HEXIM2: variants seen among roughly 807,000 people sequenced by gnomAD.
HEXIM2 encodes the protein protein HEXIM2.
For synonymous variants in HEXIM2, 159 were observed against 162.7 expected, an observed-to-expected ratio of 0.98 and a Z score of 0.17; for missense variants, 413 against 390.8, an observed-to-expected ratio of 1.06 and a Z score of -0.48.
Position 45,169,429 on chromosome 17 carries a change from C to T in HEXIM2, c.481C>T (p.Pro161Ser). 2 of 1,613,950 alleles carry T rather than the reference C, an allele frequency of 1.2e-6. No individual in the cohort carries two copies. The highest frequency in any genetic ancestry group is 1.7e-6 in the Non-Finnish European group (2 of 1,180,012). ...CCCGGAGGAGCCCAACTTGGATGTG[C>T]CCCATGGGATCTCCCACCCAGGTTC... ...RDPEEPNLDVPHGISHPGSSG... is the reference protein window; with the variant it reads ...RDPEEPNLDVSHGISHPGSSG... The change falls in exon 4 of 4, where the codon CCC becomes TCC. Residue 161 changes from proline (P) to serine (S), a missense_variant. Pro to Ser is a moderately conservative substitution (Grantham distance 74, BLOSUM62 -1). Transcript: ENST00000589230.
chr17:45,164,472 A>G (rs907012915), intron 3 of HEXIM2, among the ~76,000 whole-genome samples: 1 of 151,660 alleles, frequency 6.6e-6, no homozygotes, highest in African/African-American at 2.4e-5. Flanking sequence ...AACCAAAAAA[A>G]CAAAAAAACC....
At position 45,163,013 on chromosome 17, in the gene HEXIM2, C is replaced by T. The variant is rs1384333839; in HGVS notation, c.66+154C>T. 2.0e-5 allele frequency among the ~76,000 whole-genome samples: 3 copies of T among 152,304 alleles called. No homozygotes were observed. The East Asian group carries it at 5.8e-4, about 29-fold the overall frequency. ...CTAGGCAATAGGCCGGAATCCCAGT[C>T]TATGCTAGCTGATGAAATCTTAGTA... On this transcript the variant is annotated intron_variant, in intron 3 of 3. Coordinates refer to ENST00000589230, the MANE Select transcript of HEXIM2 (RefSeq NM_001303441.2).
At chr17:45,167,715 G>T (rs561979033) in intron 3 of HEXIM2, among the ~76,000 whole-genome samples, 3 of 150,726 alleles carry the variant, frequency 2.0e-5, no homozygotes, top group Non-Finnish European at 3.0e-5. Context: ...CAAGCTCCGC[G>T]TCCCGACTAG....
At chr17:45,165,157 C>T (rs2144060673) in intron 3 of HEXIM2, among the ~76,000 whole-genome samples, 1 of 152,298 alleles carries the variant, frequency 6.6e-6, no homozygotes, top group African/African-American at 2.4e-5. Flanking sequence ...CCTGTCCCAG[C>T]TGGGGCAACA....
rs1361484768 is a variant in HEXIM2 at position 45,169,205 on chromosome 17, T to A, written c.257T>A (p.Leu86Gln). 3 of 1,613,600 alleles carry A rather than the reference T, an allele frequency of 1.9e-6. No individual in the cohort carries two copies. The South Asian group carries it at 3.3e-5, about 18-fold the overall frequency. Residue 86 changes from leucine to glutamine, a missense_variant, in exon 4 of 4, where the codon CTG (leucine) becomes CAG (glutamine). Transcript: ENST00000589230. Reference sequence around the variant, plus strand: ...GGGGGCTGCTCAGCGGAGGCTGTGCTGGCCCGGAAGAAACACCGTCGGCGG... The same window carrying A: ...GGGGGCTGCTCAGCGGAGGCTGTGCAGGCCCGGAAGAAACACCGTCGGCGG... ...SPGGCSAEAV[L>Q]ARKKHRRRPS...
upstream of HEXIM2, chr17:45,161,356 GC>G: frequency 5.1e-6 from 1 of 194,932 alleles, no homozygotes; most frequent in Admixed American, 5.4e-5. Flanking sequence ...ACCCTCCCTG[GC>G]CCCCGGTCCC....
rs552072619 is a variant in HEXIM2 at position 45,169,152 on chromosome 17, C to T, written c.204C>T (p.Asn68=). ...GGGCTGTCGGTGGCCTGGGCTGGAA[C>T]AGTAGGAGTCCCCGGACCCAGAGCC... is the stretch of plus-strand genomic sequence containing the variant. ...LAGAVGGLGW[N]SRSPRTQSPG... The change falls in exon 4 of 4, where the codon AAC becomes AAT. Residue 68 remains asparagine, a synonymous_variant. Coordinates refer to ENST00000589230, the MANE Select transcript of HEXIM2 (RefSeq NM_001303441.2). 6.2e-7 allele frequency: 1 copy of T among 1,613,872 alleles called. No homozygotes were observed. Among genetic ancestry groups the T allele is most frequent in the South Asian group, 1.1e-5 (1 of 91,084 alleles).
rs1598151764 is a variant in HEXIM2, at chr17:45,169,694, T to C, written c.746T>C (p.Val249Ala). ...ACTGQQSCRQVEELAAEVQRL... is the reference protein window; with the variant it reads ...ACTGQQSCRQAEELAAEVQRL... The stretch of plus-strand genomic sequence containing the variant: ...ACCGGCCAGCAGTCCTGCCGCCAGG[T>C]GGAGGAGCTGGCTGCCGAGGTCCAG... Residue 249 changes from valine to alanine, a missense_variant, in exon 4 of 4, where the codon GTG (valine) becomes GCG (alanine). Physicochemically the swap from Val to Ala is moderately conservative, Grantham distance 64. Transcript: ENST00000589230. 9 of 1,529,386 alleles carry C rather than the reference T, an allele frequency of 5.9e-6. No homozygotes were observed. Among genetic ancestry groups the C allele is most frequent in the Non-Finnish European group, 7.0e-6 (8 of 1,135,534 alleles). The allele number at this position is 1,529,386 out of a possible 1,614,324, so 94.7% of individuals were successfully genotyped here.
rs1456367963 is a variant in HEXIM2 at position 45,162,100 on chromosome 17, C to G, written c.-193+69C>G. ...TTCTTCCAAGAAATCCATCCTTATC[C>G]TAGTTGGGTTTCCCTCCCAGCTGCA... On this transcript the variant is annotated intron_variant, in intron 1 of 3. Coordinates refer to ENST00000589230, the MANE Select transcript of HEXIM2 (RefSeq NM_001303441.2). 2.0e-5 allele frequency: 16 copies of G among 819,404 alleles called. No homozygotes were observed. In the Admixed American group the frequency reaches 2.5e-4, roughly 13 times the overall value. The allele number at this position is 819,404 out of a possible 1,614,324, so 50.8% of individuals were successfully genotyped here.
At chr17:45,164,247 C>T (rs1047252347) in intron 3 of HEXIM2, among the ~76,000 whole-genome samples, 2 of 151,090 alleles carry the variant, frequency 1.3e-5, no homozygotes, top group African/African-American at 4.9e-5. Flanking sequence ...CCTGAGGTCA[C>T]GAGTTCGAGA....
intron 3 of HEXIM2, among the ~76,000 whole-genome samples, chr17:45,167,024 C>CAAAAAAAAAAAAA (rs58258565): frequency 2.9e-5 from 2 of 67,928 alleles, no homozygotes; most frequent in Non-Finnish European, 5.0e-5. Flanking sequence ...GACTCTGTCT[C>CAAAAAAAAAAAAA]AAAAAAAAAA....
At chr17:45,160,204 G>A (rs1239445796), upstream of HEXIM2, among the ~76,000 whole-genome samples, 1 of 152,288 alleles carries the variant, frequency 6.6e-6, no homozygotes, top group East Asian at 1.9e-4. Context: ...CAGCTATAAT[G>A]TAAGGTTAAG....
At chr17:45,161,235 T>C (rs2042674492), upstream of HEXIM2, 1 of 351,120 alleles carries the variant, frequency 2.8e-6, no homozygotes, top group Admixed American at 3.8e-5. Context: ...TTCTGGGGTC[T>C]CGGGAAACAC....
intron 3 of HEXIM2, among the ~76,000 whole-genome samples, chr17:45,165,062 T>C (rs1366732716): frequency 1.3e-5 from 2 of 152,090 alleles, no homozygotes; most frequent in Middle Eastern, 3.2e-3. Flanking sequence ...GGAGGATCAA[T>C]AGGGCACTTC....
Position 45,169,305 on chromosome 17 carries a change from G to GCAGAGC in HEXIM2, c.363_368dup (p.Ser121_Gln122dup). 6.2e-7 allele frequency: 1 copy of GCAGAGC among 1,613,852 alleles called. No individual in the cohort carries two copies. The highest frequency in any genetic ancestry group is 8.5e-7 in the Non-Finnish European group (1 of 1,180,034). ...CTGAGAAACAACAGCGGGATGAGAG[G>GCAGAGC]CAGAGCCAGAGGGCCTCCCGGGTCC... On this transcript the variant is annotated inframe_insertion, in exon 4 of 4. Coordinates refer to ENST00000589230, the MANE Select transcript of HEXIM2 (RefSeq NM_001303441.2).
At chr17:45,160,846 A>G, upstream of HEXIM2, 2 of 1,199,242 alleles carry the variant, frequency 1.7e-6, no homozygotes, top group South Asian at 1.3e-5. Flanking sequence ...GCCCCTCTCT[A>G]GCTGCTCCCA....
intron 3 of HEXIM2, among the ~76,000 whole-genome samples, chr17:45,166,287 G>GA (rs963834920): frequency 8.6e-5 from 13 of 151,834 alleles, no homozygotes; most frequent in African/African-American, 2.7e-4. Context: ...ACCATGCCTG[G>GA]CTAATTTTTT....
At chr17:45,160,976 G>A (rs748460219), upstream of HEXIM2, 3 of 1,288,356 alleles carry the variant, frequency 2.3e-6, no homozygotes, top group Non-Finnish European at 3.0e-6. Flanking sequence ...TCCGCTCTCG[G>A]AGCCTCCAGC....
In HEXIM2 at chr17:45,169,741, C is replaced by G. The variant is rs73319052; in HGVS notation, c.793C>G (p.Arg265Gly). The stretch of plus-strand genomic sequence containing the variant: ...CCAGAGGCTCCGGACCGAAAACCAG[C>G]GGCTTCGTCAGGAGAACCAGATGTG... The part of the protein sequence containing the change: ...EVQRLRTENQ[R>G]LRQENQMWNR... The change falls in exon 4 of 4, where the codon CGG becomes GGG. Residue 265 changes from arginine to glycine, a missense_variant. By Grantham distance (125) the Arg-to-Gly change is moderately radical. Coordinates refer to ENST00000589230, the MANE Select transcript of HEXIM2 (RefSeq NM_001303441.2). The G allele has an allele frequency of 1.3e-6, 2 of 1,484,654 alleles. No individual in the cohort carries two copies. The highest frequency in any genetic ancestry group is 2.8e-5 in the African/African-American group (2 of 70,658). 92.0% of individuals were successfully genotyped at this position (1,484,654 alleles called of 1,614,324 possible).
Sources: allele counts gnomAD v4.1 joint callset (sites outside exome capture counted in the v4.1 genomes callset), GRCh38; gene constraint gnomAD v4.1.1; transcripts MANE v1.5; gene names NCBI Gene and HGNC (gene_info 2026-07-23, HGNC 2026-07-21).